FABP12: variants seen among roughly 807,000 people sequenced by gnomAD.
FABP12 encodes the protein fatty acid-binding protein 12.
In FABP12, 19 loss-of-function variants were observed where a neutral mutation model predicts 13.7. The observed-to-expected ratio is 1.39, with a 90% CI of 0.97 to 2.04. FABP12 has a LOEUF of 2.04. Ranked by LOEUF, FABP12 falls within the 30% of genes most tolerant of loss-of-function variation. The pLI is 0.00. For synonymous variants in FABP12, 61 were observed against 57.0 expected (o/e 1.07, Z -0.32); for missense variants, 182 against 164.2 (o/e 1.11, Z -0.59).
chr8:81,546,382 A>T (rs1381404658), intron 1 of FABP12, among the ~76,000 whole-genome samples: 1 of 152,054 alleles, frequency 6.6e-6, no homozygotes, highest in Non-Finnish European at 1.5e-5. Context: ...GGCTGGGCGC[A>T]GTGGCTCCCG....
intron 3 of FABP12, among the ~76,000 whole-genome samples, chr8:81,528,849 G>C (rs1808980343): frequency 6.6e-6 from 1 of 152,290 alleles, no homozygotes; most frequent in South Asian, 2.1e-4. Context: ...TGTTGGAGAA[G>C]ACCAGGATGT....
intron 1 of FABP12, among the ~76,000 whole-genome samples, chr8:81,574,974 T>C (rs1326917008): frequency 6.6e-6 from 1 of 152,130 alleles, no homozygotes; most frequent in African/African-American, 2.4e-5. Context: ...TCTTGGTTAT[T>C]TCTTTTTTTC....
At chr8:81,567,282 C>T (rs1023349798) in intron 1 of FABP12, among the ~76,000 whole-genome samples, 3 of 152,088 alleles carry the variant, frequency 2.0e-5, no homozygotes, top group Non-Finnish European at 2.9e-5. Flanking sequence ...AAAATACCAA[C>T]GATCTGCACA....
intron 1 of FABP12, among the ~76,000 whole-genome samples, chr8:81,588,475 T>A (rs1810275474): frequency 6.6e-6 from 1 of 152,244 alleles, no homozygotes; most frequent in Admixed American, 6.5e-5. Flanking sequence ...TATGTATAAA[T>A]GCTACTGATT....
At chr8:81,585,452 AT>A (rs1472657996) in intron 1 of FABP12, among the ~76,000 whole-genome samples, 4 of 152,066 alleles carry the variant, frequency 2.6e-5, no homozygotes, top group Non-Finnish European at 4.4e-5. Context: ...GTCTGTTTTT[AT>A]GCCAGTCTCC....
At chr8:81,544,753 C>G in intron 1 of FABP12, among the ~76,000 whole-genome samples, 1 of 152,086 alleles carries the variant, frequency 6.6e-6, no homozygotes. Context: ...AAGACCCAAT[C>G]CCAGACCTCA....
intron 1 of FABP12, among the ~76,000 whole-genome samples, chr8:81,549,569 G>A (rs1350010611): frequency 6.6e-6 from 1 of 152,132 alleles, no homozygotes; most frequent in Non-Finnish European, 1.5e-5. Flanking sequence ...TATAGAGCAA[G>A]ATTTAAAAGT....
intron 1 of FABP12, among the ~76,000 whole-genome samples, chr8:81,541,575 C>G (rs758092881): frequency 3.3e-5 from 5 of 152,140 alleles, no homozygotes; most frequent in Non-Finnish European, 7.4e-5. Context: ...CAGACCATAT[C>G]TTGTGTTTGC....
chr8:81,545,882 A>G (rs907108737), intron 1 of FABP12, among the ~76,000 whole-genome samples: 1 of 152,140 alleles, frequency 6.6e-6, no homozygotes, highest in East Asian at 1.9e-4. Context: ...TCCACTTGGG[A>G]ATCTTCTCTA....
chr8:81,576,498 AAC>A (rs1013311428), intron 1 of FABP12, among the ~76,000 whole-genome samples: 5 of 151,766 alleles, frequency 3.3e-5, no homozygotes, highest in African/African-American at 9.7e-5. Context: ...ATATAACACA[AAC>A]ACACACACAC....
intron 1 of FABP12, among the ~76,000 whole-genome samples, chr8:81,577,808 T>C (rs1810078661): frequency 6.6e-6 from 1 of 152,206 alleles, no homozygotes; most frequent in Non-Finnish European, 1.5e-5. Context: ...ACACAATTTA[T>C]TACAGTTATA....
At chr8:81,555,629 C>T (rs114084201) in intron 1 of FABP12, among the ~76,000 whole-genome samples, 1,555 of 152,218 alleles carry the variant, frequency 0.01, 16 homozygotes, top group African/African-American at 0.034. Context: ...GAAAATGTAT[C>T]GCAATTTTAA....
upstream of FABP12, among the ~76,000 whole-genome samples, chr8:81,536,286 A>T (rs752039735): frequency 1.1e-4 from 17 of 152,238 alleles, no homozygotes; most frequent in Non-Finnish European, 1.6e-4. Flanking sequence ...ACACATATAC[A>T]TGCACACACA....
chr8:81,531,220 A>G (rs1341813382), intron 2 of FABP12, 23 bp downstream of exon 2: 2 of 1,554,344 alleles, frequency 1.3e-6, no homozygotes, highest in Non-Finnish European at 8.8e-7. Context: ...ACTGGATATG[A>G]TATGCAAGTA....
chr8:81,537,546 A>G (rs927083908), upstream of FABP12, among the ~76,000 whole-genome samples: 8 of 152,226 alleles, frequency 5.3e-5, no homozygotes, highest in African/African-American at 1.9e-4. Context: ...AAATGGAGAA[A>G]GTTCACTAGA....
chr8:81,529,497 T>C, exon 3 of FABP12: 2 of 1,613,886 alleles, frequency 1.2e-6, no homozygotes, highest in Non-Finnish European at 8.5e-7. Context: ...TTAAAGGAGA[T>C]CTCATTATTT....
At chr8:81,580,354 CT>C (rs147754484) in intron 1 of FABP12, among the ~76,000 whole-genome samples, 2,840 of 152,220 alleles carry the variant, frequency 0.019, 63 homozygotes, top group African/African-American at 0.055. Context: ...ACTTACATGC[CT>C]TTAGATGAAC....
intron 1 of FABP12, among the ~76,000 whole-genome samples, chr8:81,572,586 T>C (rs1169985007): frequency 6.6e-6 from 1 of 152,240 alleles, no homozygotes; most frequent in Admixed American, 6.5e-5. Flanking sequence ...TGTAGTAGTG[T>C]TCCCTGATCA....
chr8:81,558,631 C>T (rs1355051304), intron 1 of FABP12, among the ~76,000 whole-genome samples: 2 of 152,044 alleles, frequency 1.3e-5, no homozygotes, highest in East Asian at 1.9e-4. Flanking sequence ...GTGGCTCGTG[C>T]CTGTAATTCC....
Sources: gnomAD v4.1 joint callset for allele counts (sites outside exome capture counted in the v4.1 genomes callset) on GRCh38, gnomAD v4.1.1 for gene constraint, MANE v1.5 for transcripts, NCBI Gene and HGNC (gene_info 2026-07-23, HGNC 2026-07-21) for gene names.